CLSTN2: variants seen among roughly 807,000 people sequenced by gnomAD.
CLSTN2 encodes the protein calsyntenin-2.
A neutral mutation model predicts 101.2 loss-of-function variants in CLSTN2; 48 were observed. That is an observed-to-expected ratio of 0.47 (90% CI 0.38 to 0.60). The LOEUF (loss-of-function observed/expected upper bound fraction) is 0.60, where lower values mean the gene tolerates loss of function less well. Among genes scored for constraint, CLSTN2 ranks in the 20% least tolerant of loss-of-function variants. The pLI, the probability that CLSTN2 is intolerant of heterozygous loss-of-function variation, is 0.00. For synonymous variants in CLSTN2, 481 were observed against 463.6 expected (o/e 1.04, Z -0.48); for missense variants, 1,160 against 1,238.2 (o/e 0.94, Z 0.95).
chr3:140,565,492 G>A (rs902331136), intron 16 of CLSTN2, among the ~76,000 whole-genome samples: 4 of 152,176 alleles, frequency 2.6e-5, no homozygotes, highest in Admixed American at 6.5e-5. Flanking sequence ...TACAGCCTGA[G>A]GACACAAGTC....
chr3:139,992,020 G>A (rs1936123394), intron 1 of CLSTN2, among the ~76,000 whole-genome samples: 1 of 152,134 alleles, frequency 6.6e-6, no homozygotes, highest in African/African-American at 2.4e-5. Context: ...TGTGGGGTGG[G>A]GATGCAATCA....
intron 2 of CLSTN2, among the ~76,000 whole-genome samples, chr3:140,395,437 T>A (rs1266481097): frequency 6.6e-6 from 1 of 152,160 alleles, no homozygotes; most frequent in Non-Finnish European, 1.5e-5. Context: ...TTAGGCATGG[T>A]AGTATCTTCA....
chr3:140,035,771 T>C (rs1346996822), intron 1 of CLSTN2, among the ~76,000 whole-genome samples: 2 of 152,210 alleles, frequency 1.3e-5, no homozygotes, highest in East Asian at 3.8e-4. Context: ...AGTTTTAGTA[T>C]GGCTGTTAAG....
At chr3:140,459,441 T>C in intron 6 of CLSTN2, 80 bp from the exon 7 acceptor site, 2 of 1,530,132 alleles carry the variant, frequency 1.3e-6, no homozygotes, top group Non-Finnish European at 1.8e-6. Context: ...CACTGAGTAG[T>C]TCACCTTGAC....
At chr3:140,121,273 A>T (rs2009335841) in intron 1 of CLSTN2, among the ~76,000 whole-genome samples, 1 of 152,100 alleles carries the variant, frequency 6.6e-6, no homozygotes. Flanking sequence ...ACGGGAAGAG[A>T]GCTGGGGCCA....
In CLSTN2 at chr3:140,165,532, G is replaced by A. The variant is rs993160595; in HGVS notation, c.110-10419G>A. ...ATGAGAGCAGACAGTACAGGGTGAC[G>A]GGAGAACAGGAGGGCAACCGGGGGA... is the stretch of plus-strand genomic sequence containing the variant. On this transcript the variant is annotated intron_variant, in intron 1 of 16. Coordinates refer to ENST00000458420, the MANE Select transcript of CLSTN2 (RefSeq NM_022131.3). 8.5e-5 allele frequency among the ~76,000 whole-genome samples: 13 copies of A among 152,144 alleles called. No homozygotes were observed. The East Asian group carries it at 1.5e-3, about 18-fold the overall frequency.
At chr3:140,443,356 T>C (rs1252219721) in intron 5 of CLSTN2, among the ~76,000 whole-genome samples, 2 of 152,264 alleles carry the variant, frequency 1.3e-5, no homozygotes, top group African/African-American at 4.8e-5. Flanking sequence ...GCCTATGCTT[T>C]CCAGAAGTCT....
chr3:140,232,285 A>G (rs1486310362), intron 2 of CLSTN2, among the ~76,000 whole-genome samples: 1 of 152,154 alleles, frequency 6.6e-6, no homozygotes, highest in Non-Finnish European at 1.5e-5. Flanking sequence ...AAATTAGCAT[A>G]ATTGGATCTA....
At chr3:140,284,795 TGTTCTG>T (rs1399164726) in intron 2 of CLSTN2, among the ~76,000 whole-genome samples, 6 of 152,202 alleles carry the variant, frequency 3.9e-5, no homozygotes, top group Non-Finnish European at 5.9e-5. Context: ...CCCATCTGCT[TGTTCTG>T]ACACTACAGA....
Position 140,057,348 on chromosome 3 carries a change from A to T in CLSTN2, c.110-118603A>T, listed in dbSNP as rs184529752. ...GAAGACACTTTTGGGAGCCTTTGCA[A>T]TAGCAGATGTTTTATAGCTGAGCAG... On this transcript the variant is annotated intron_variant, in intron 1 of 16. Coordinates refer to ENST00000458420, the MANE Select transcript of CLSTN2 (RefSeq NM_022131.3). Among the ~76,000 whole-genome samples, 5 of 152,348 alleles carry T rather than the reference A, an allele frequency of 3.3e-5. No individual in the cohort carries two copies. The East Asian group carries it at 9.6e-4, about 29-fold the overall frequency.
At position 140,221,530 on chromosome 3, in the gene CLSTN2, A is replaced by G. The variant is rs78826237; in HGVS notation, c.232+45457A>G. On this transcript the variant is annotated intron_variant, in intron 2 of 16. Transcript: ENST00000458420. Reference sequence around the variant, plus strand: ...ACACTTCTATACCAGGAAACAAACAACAAAGTGAAGAGAGCCCACAGAATG... The same window carrying G: ...ACACTTCTATACCAGGAAACAAACAGCAAAGTGAAGAGAGCCCACAGAATG... 6.1e-4 allele frequency among the ~76,000 whole-genome samples: 93 copies of G among 152,316 alleles called. 1 individual carries two copies. The East Asian group carries it at 0.016, about 26-fold the overall frequency.
chr3:140,005,726 G>A (rs935014121), intron 1 of CLSTN2, among the ~76,000 whole-genome samples: 3 of 152,190 alleles, frequency 2.0e-5, no homozygotes. Flanking sequence ...GGCTAGAGAA[G>A]TCTGATGTGA....
At chr3:140,420,557 T>C (rs1371656596) in intron 4 of CLSTN2, among the ~76,000 whole-genome samples, 1 of 152,006 alleles carries the variant, frequency 6.6e-6, no homozygotes, top group Admixed American at 6.6e-5. Flanking sequence ...AGAAGAAAAA[T>C]GTCTTCTTCG....
chr3:140,274,610 G>A lies in CLSTN2; in HGVS notation c.232+98537G>A, dbSNP rs75683467. Among the ~76,000 whole-genome samples the A allele has an allele frequency of 4.0e-3, 604 of 152,290 alleles. 4 individuals are homozygous for A. The highest frequency in any genetic ancestry group is 0.014 in the African/African-American group (572 of 41,558). The stretch of plus-strand genomic sequence containing the variant: ...TCAGGCATGTTGTCCACCAGGTCCA[G>A]GGATGGCGCACAGAGTGGGCAGTTT... On this transcript the variant is annotated intron_variant, in intron 2 of 16. Coordinates refer to ENST00000458420, the MANE Select transcript of CLSTN2 (RefSeq NM_022131.3).
intron 2 of CLSTN2, among the ~76,000 whole-genome samples, chr3:140,280,029 T>C (rs2086829655): frequency 1.3e-5 from 2 of 152,220 alleles, no homozygotes; most frequent in South Asian, 2.1e-4. Flanking sequence ...GACCCTGTTT[T>C]GTTCAACTCT....
At chr3:140,425,443 C>A (rs2088556666) in intron 5 of CLSTN2, among the ~76,000 whole-genome samples, 1 of 152,208 alleles carries the variant, frequency 6.6e-6, no homozygotes, top group Admixed American at 6.5e-5. Context: ...ACATCTCAGA[C>A]CCCGGCTCTT....
intron 9 of CLSTN2, among the ~76,000 whole-genome samples, chr3:140,545,154 C>T (rs1383356483): frequency 1.3e-5 from 2 of 151,300 alleles, no homozygotes; most frequent in Non-Finnish European, 3.0e-5. Flanking sequence ...CCAGAAAAAG[C>T]CAGCCCACCC....
chr3:140,256,742 A>G (rs1023184124), intron 2 of CLSTN2, among the ~76,000 whole-genome samples: 3 of 152,214 alleles, frequency 2.0e-5, no homozygotes, highest in African/African-American at 4.8e-5. Context: ...TGAGACTTCT[A>G]TTTGATTCGG....
At chr3:140,121,326 G>A (rs1329684094) in intron 1 of CLSTN2, among the ~76,000 whole-genome samples, 2 of 152,124 alleles carry the variant, frequency 1.3e-5, no homozygotes, top group African/African-American at 4.8e-5. Flanking sequence ...TATTGTGTAG[G>A]GGAAAACTTC....
Sources: allele counts gnomAD v4.1 joint callset (sites outside exome capture counted in the v4.1 genomes callset), GRCh38; gene constraint gnomAD v4.1.1; transcripts MANE v1.5; gene names NCBI Gene and HGNC (gene_info 2026-07-23, HGNC 2026-07-21).